The following SPECC1 variants were observed in gnomAD, a reference collection of about 807,000 sequenced individuals.
The protein encoded by SPECC1 is cytospin-B.
A neutral mutation model predicts 104.1 loss-of-function variants in SPECC1; 62 were observed. The observed-to-expected ratio is 0.60, with a 90% CI of 0.49 to 0.74. SPECC1 has a LOEUF of 0.74. Among genes scored for constraint, SPECC1 ranks in the 30% least tolerant of loss-of-function variants. The pLI is 0.00. For missense variants in SPECC1, 1,306 were observed against 1,310.5 expected (o/e 1.00, Z 0.05); for synonymous variants, 513 against 501.6 (o/e 1.02, Z -0.30).
intron 1 of SPECC1, among the ~76,000 whole-genome samples, chr17:20,057,313 C>A (rs537709103): frequency 5.3e-5 from 8 of 151,986 alleles, no homozygotes; most frequent in African/African-American, 1.9e-4. Context: ...TGGTGGCGGG[C>A]GCCTATAGTC....
In SPECC1 at chr17:20,251,645, C is replaced by T. The variant is rs1053919580; in HGVS notation, c.2599-1860C>T. ...AATGGCCCTGCACAGGCAAATGTAC[C>T]AGGTTGTTCATTGCAGCATTGTTCC... On this transcript the variant is annotated intron_variant, in intron 9 of 14. Coordinates refer to ENST00000395527, the MANE Select transcript of SPECC1 (RefSeq NM_001243439.2). Among the ~76,000 whole-genome samples the T allele has an allele frequency of 3.9e-5, 6 of 152,130 alleles. No individual in the cohort carries two copies. The South Asian group carries it at 8.3e-4, about 21-fold the overall frequency.
At chr17:20,225,099 C>T (rs181761112) in intron 4 of SPECC1, among the ~76,000 whole-genome samples, 79 of 151,818 alleles carry the variant, frequency 5.2e-4, no homozygotes, top group African/African-American at 1.8e-3. Context: ...AGCTAGGACC[C>T]GGAATGGGGG....
intron 1 of SPECC1, among the ~76,000 whole-genome samples, chr17:20,043,913 AT>A (rs1352191045): frequency 2.6e-5 from 4 of 152,044 alleles, no homozygotes; most frequent in Non-Finnish European, 5.9e-5. Context: ...TGTGACAGTG[AT>A]TTGTGTGCCT....
chr17:20,150,844 A>G (rs954405580), intron 3 of SPECC1, among the ~76,000 whole-genome samples: 1 of 152,122 alleles, frequency 6.6e-6, no homozygotes, highest in Non-Finnish European at 1.5e-5. Context: ...TATATTTCAG[A>G]TATAGTTATT....
intron 3 of SPECC1, among the ~76,000 whole-genome samples, chr17:20,150,869 A>G (rs1275581657): frequency 2.0e-5 from 3 of 152,196 alleles, no homozygotes; most frequent in Non-Finnish European, 2.9e-5. Flanking sequence ...ATAATTTGCT[A>G]TATACATGTC....
chr17:20,275,784 A>G (rs1406462488), intron 12 of SPECC1, among the ~76,000 whole-genome samples: 2 of 152,176 alleles, frequency 1.3e-5, no homozygotes, highest in African/African-American at 2.4e-5. Context: ...GGTCCCAGTT[A>G]CCTCAGTGGG....
At chr17:20,230,472 C>T (rs141533061) in intron 5 of SPECC1, among the ~76,000 whole-genome samples, 5 of 151,334 alleles carry the variant, frequency 3.3e-5, no homozygotes, top group Non-Finnish European at 7.4e-5. Flanking sequence ...CTTCCAAACC[C>T]AGCACCATGA....
intron 3 of SPECC1, among the ~76,000 whole-genome samples, chr17:20,202,597 T>G (rs1263053599): frequency 6.6e-6 from 1 of 152,232 alleles, no homozygotes; most frequent in East Asian, 1.9e-4. Flanking sequence ...CTCTTCCTTA[T>G]GGTTTTCTGA....
chr17:20,252,597 C>T (rs576196804), intron 9 of SPECC1, among the ~76,000 whole-genome samples: 1 of 152,294 alleles, frequency 6.6e-6, no homozygotes, highest in East Asian at 1.9e-4. Flanking sequence ...AGATTCCTCA[C>T]GTACATAGAG....
At chr17:20,307,748 G>A (rs990805155) in intron 14 of SPECC1, among the ~76,000 whole-genome samples, 39 of 152,164 alleles carry the variant, frequency 2.6e-4, no homozygotes, top group Admixed American at 2.2e-3. Flanking sequence ...AGATGAAAAG[G>A]ATAGAAAGAA....
intron 3 of SPECC1, among the ~76,000 whole-genome samples, chr17:20,124,716 G>A (rs939779821): frequency 1.3e-5 from 2 of 151,996 alleles, no homozygotes; most frequent in Admixed American, 6.6e-5. Flanking sequence ...TTAACCTTCC[G>A]AACATCATAG....
At chr17:20,259,057 T>G (rs2039935402) in intron 11 of SPECC1, among the ~76,000 whole-genome samples, 1 of 152,252 alleles carries the variant, frequency 6.6e-6, no homozygotes, top group South Asian at 2.1e-4. Context: ...ATTGGCTAGT[T>G]TAGGAGTAAT....
intron 3 of SPECC1, among the ~76,000 whole-genome samples, chr17:20,130,673 G>A (rs980515465): frequency 5.9e-5 from 9 of 152,258 alleles, no homozygotes; most frequent in South Asian, 2.1e-4. Flanking sequence ...AAATCAAGTA[G>A]ACTGATTCTT....
intron 1 of SPECC1, among the ~76,000 whole-genome samples, chr17:20,022,768 A>C (rs995628412): frequency 1.3e-5 from 2 of 152,202 alleles, no homozygotes; most frequent in South Asian, 4.1e-4. Flanking sequence ...ATGACCAGCC[A>C]CTGCTGTATG....
intron 12 of SPECC1, among the ~76,000 whole-genome samples, chr17:20,274,673 G>A (rs2040520117): frequency 6.6e-6 from 1 of 151,412 alleles, no homozygotes; most frequent in African/African-American, 2.4e-5. Context: ...GTAGAGACGA[G>A]GTTTCACCAC....
chr17:20,314,146 G>A lies in SPECC1; in HGVS notation c.*81G>A. ...CGCCTGATTACTGTCCACTGACCCT[G>A]CTCTGCCCACCACCCAGCTGCCTAG... On this transcript the variant is annotated 3_prime_UTR_variant, in exon 15 of 15. Coordinates refer to ENST00000395527, the MANE Select transcript of SPECC1 (RefSeq NM_001243439.2). The A allele has an allele frequency of 8.2e-7, 1 of 1,222,026 alleles. No individual in the cohort carries two copies. The allele number at this position is 1,222,026 out of a possible 1,614,324, so 75.7% of individuals were successfully genotyped here.
At chr17:20,242,260 CTAACA>C (rs2151523845) in intron 7 of SPECC1, among the ~76,000 whole-genome samples, 1 of 152,252 alleles carries the variant, frequency 6.6e-6, no homozygotes, top group African/African-American at 2.4e-5. Context: ...ACTCTGTTCT[CTAACA>C]TAACAAGGAA....
intron 3 of SPECC1, among the ~76,000 whole-genome samples, chr17:20,175,021 A>C (rs2034371111): frequency 6.6e-6 from 1 of 152,080 alleles, no homozygotes; most frequent in South Asian, 2.1e-4. Flanking sequence ...TGCAGTGTGG[A>C]GGGTGGGGTC....
At chr17:20,217,182 A>T (rs1343550465) in intron 4 of SPECC1, among the ~76,000 whole-genome samples, 2 of 152,108 alleles carry the variant, frequency 1.3e-5, no homozygotes, top group African/African-American at 4.8e-5. Context: ...CTGTAAAATG[A>T]ATATAAAAAT....
Sources: gnomAD v4.1 joint callset for allele counts (sites outside exome capture counted in the v4.1 genomes callset) on GRCh38, gnomAD v4.1.1 for gene constraint, MANE v1.5 for transcripts, NCBI Gene and HGNC (gene_info 2026-07-23, HGNC 2026-07-21) for gene names.